The following MRM2 variants were observed in gnomAD, a reference collection of about 807,000 sequenced individuals.
MRM2 encodes the protein mitochondrial rRNA methyltransferase 2.
Under a neutral mutation model 10.9 loss-of-function variants are expected in MRM2, and 15 were observed. The ratio of observed to expected loss-of-function variants is 1.37; its 90% CI spans 0.92 to 2.11. MRM2 has a LOEUF of 2.11. Ranked by LOEUF, MRM2 falls within the 30% of genes most tolerant of loss-of-function variation. The probability of loss-of-function intolerance (pLI) is 0.00; values close to 1 mark genes in which losing one functional copy is unlikely to be tolerated. For missense variants in MRM2, 328 were observed against 321.3 expected, an observed-to-expected ratio of 1.02 and a Z score of -0.16; for synonymous variants, 139 against 128.7, an observed-to-expected ratio of 1.08 and a Z score of -0.54.
chr7:2,239,623 C>G lies in MRM2; in HGVS notation c.93G>C (p.Glu31Asp). 1.2e-6 allele frequency: 2 copies of G among 1,614,138 alleles called. No homozygotes were observed. Among genetic ancestry groups the G allele is most frequent in the Non-Finnish European group, 1.7e-6 (2 of 1,180,028 alleles). ...GSRCKNRTGA[E>D]HLWLTRHLRD... ...TGAGATGTCGGGTCAGCCACAGGTG[C>G]TCAGCGCCTGTCCGATTCTTGCAGC... The change falls in exon 2 of 3, where the codon GAG becomes GAC. Residue 31 changes from glutamate (E) to aspartate (D), a missense_variant. Glu to Asp is a conservative substitution (Grantham distance 45, BLOSUM62 2). Transcript: ENST00000242257.
chr7:2,242,186 T>G lies in MRM2; in HGVS notation c.-17A>C, dbSNP rs752933085. ...CCCCGCCATTGGTGTTCCCCGCGCCTGCAGCGCGCCGCCGGAAGTGCCTGG... is the reference window on the plus strand; with the variant it reads ...CCCCGCCATTGGTGTTCCCCGCGCCGGCAGCGCGCCGCCGGAAGTGCCTGG... On this transcript the variant is annotated 5_prime_UTR_variant, in exon 1 of 3. Transcript: ENST00000242257. 18 of 1,578,322 alleles carry G rather than the reference T, an allele frequency of 1.1e-5. No individual in the cohort carries two copies. The South Asian group carries it at 1.5e-4, about 13-fold the overall frequency.
chr7:2,239,787 C>G, intron 1 of MRM2, 80 bp from the exon 2 acceptor site: 1 of 1,304,472 alleles, frequency 7.7e-7, no homozygotes, highest in Admixed American at 1.9e-5. Flanking sequence ...CTCGGATCAA[C>G]TCATTCATTT....
chr7:2,239,556 A>G lies in MRM2; in HGVS notation c.160T>C (p.Cys54Arg), dbSNP rs1794483561. Reference sequence around the variant, plus strand: ...TCCAGGAGCTTGAAGGCGCTTCGACACCGGTAACTCTCCACCTTCGCAGCC... The same window carrying G: ...TCCAGGAGCTTGAAGGCGCTTCGACGCCGGTAACTCTCCACCTTCGCAGCC... ...VKAAKVESYR[C>R]RSAFKLLEVN... The change falls in exon 2 of 3, where the codon TGT becomes CGT. Residue 54 changes from cysteine (C) to arginine (R), a missense_variant. Physicochemically the swap from Cys to Arg is radical, Grantham distance 180 (BLOSUM62 -3). Transcript: ENST00000242257. The G allele has an allele frequency of 1.9e-6, 3 of 1,613,896 alleles. No individual in the cohort carries two copies. Among genetic ancestry groups the G allele is most frequent in the Non-Finnish European group, 2.5e-6 (3 of 1,180,006 alleles).
chr7:2,241,022 G>A (rs1342952523), intron 1 of MRM2, among the ~76,000 whole-genome samples: 1 of 150,102 alleles, frequency 6.7e-6, no homozygotes, highest in East Asian at 2.0e-4. Context: ...TGTTTTTTTA[G>A]AGACAGGGTT....
chr7:2,239,147 G>A (rs746829492), intron 2 of MRM2: 4 of 779,146 alleles, frequency 5.1e-6, no homozygotes, highest in South Asian at 2.7e-5. Flanking sequence ...GCACAAGCCT[G>A]GAAGGATGCA....
chr7:2,235,411 A>G lies in MRM2; in HGVS notation c.452T>C (p.Ile151Thr). 4 of 1,614,028 alleles carry G rather than the reference A, an allele frequency of 2.5e-6. No homozygotes were observed. Among genetic ancestry groups the G allele is most frequent in the Admixed American group, 1.7e-5 (1 of 59,996 alleles). Reference protein sequence around the residue: ...EVLPGRRADVILSDMAPNATG... With the variant: ...EVLPGRRADVTLSDMAPNATG... ...GGCATTGGGCGCCATGTCGCTCAGAATCACATCTGCTCTCCTGCCAGGAAG... is the reference window on the plus strand; with the variant it reads ...GGCATTGGGCGCCATGTCGCTCAGAGTCACATCTGCTCTCCTGCCAGGAAG... The change falls in exon 3 of 3, where the codon ATT becomes ACT. Residue 151 changes from isoleucine (I) to threonine (T), a missense_variant. Ile to Thr is a moderately conservative substitution (Grantham distance 89). Coordinates refer to ENST00000242257, the MANE Select transcript of MRM2 (RefSeq NM_013393.3).
rs201776895 is a variant in MRM2, at chr7:2,235,455, T to C, written c.408A>G (p.Ser136=). ...CAGGAAGCACCTCGAGGATTCTCTG[T>C]GAGGTTCTCGGGTCAGTCACGTCAG... The part of the protein sequence containing the change: ...CPADVTDPRT[S]QRILEVLPGR... The change falls in exon 3 of 3, where the codon TCA becomes TCG. Residue 136 remains serine (S), a synonymous_variant. Transcript: ENST00000242257. 11 of 1,613,968 alleles carry C rather than the reference T, an allele frequency of 6.8e-6. No homozygotes were observed. In the East Asian group the frequency reaches 1.6e-4, roughly 23 times the overall value.
intron 1 of MRM2, among the ~76,000 whole-genome samples, chr7:2,241,494 A>G (rs555044280): frequency 6.7e-6 from 1 of 149,750 alleles, no homozygotes; most frequent in African/African-American, 2.5e-5. Context: ...TAGAGATGGC[A>G]TCTCACTACA....
Position 2,242,171 on chromosome 7 carries a change from G to T in MRM2, c.-2C>A, listed in dbSNP as rs772721422. 1 of 1,587,724 alleles carries T rather than the reference G, an allele frequency of 6.3e-7. No individual in the cohort carries two copies. Among genetic ancestry groups the T allele is most frequent in the African/African-American group, 1.4e-5 (1 of 73,480 alleles). On this transcript the variant is annotated 5_prime_UTR_variant, in exon 1 of 3. Coordinates refer to ENST00000242257, the MANE Select transcript of MRM2 (RefSeq NM_013393.3). The stretch of plus-strand genomic sequence containing the variant: ...GCAGCGCCCAGCTCACCCCGCCATT[G>T]GTGTTCCCCGCGCCTGCAGCGCGCC...
At chr7:2,240,200 C>G (rs1469669504) in intron 1 of MRM2, 3 of 437,564 alleles carry the variant, frequency 6.9e-6, no homozygotes, top group African/African-American at 6.1e-5. Context: ...CCAGCCTGGG[C>G]GACAGAGCGA....
intron 1 of MRM2, chr7:2,241,898 C>A: frequency 2.3e-6 from 1 of 435,980 alleles, no homozygotes; most frequent in Non-Finnish European, 4.1e-6. Flanking sequence ...ATCTGGGCCC[C>A]GGCGCTGCGC....
chr7:2,239,534 A>G lies in MRM2; in HGVS notation c.182T>C (p.Leu61Pro). 1 of 1,614,040 alleles carries G rather than the reference A, an allele frequency of 6.2e-7. No individual in the cohort carries two copies. ...SYRCRSAFKLLEVNERHQILR... is the reference protein window; with the variant it reads ...SYRCRSAFKLPEVNERHQILR... ...AATCTGGTGCCTCTCGTTCACCTCC[A>G]GGAGCTTGAAGGCGCTTCGACACCG... The change falls in exon 2 of 3, where the codon CTG becomes CCG. Residue 61 changes from leucine (L) to proline (P), a missense_variant. Leu to Pro is a moderately conservative substitution (Grantham distance 98). Coordinates refer to ENST00000242257, the MANE Select transcript of MRM2 (RefSeq NM_013393.3).
chr7:2,235,901 G>C (rs1040755577), intron 2 of MRM2, among the ~76,000 whole-genome samples: 1 of 152,170 alleles, frequency 6.6e-6, no homozygotes, highest in Admixed American at 6.5e-5. Flanking sequence ...TCTGTGAAAG[G>C]GTTCTTATCT....
intron 2 of MRM2, among the ~76,000 whole-genome samples, chr7:2,237,756 A>G (rs1794443701): frequency 6.6e-6 from 1 of 152,150 alleles, no homozygotes; most frequent in South Asian, 2.1e-4. Context: ...AGCCTGGCCA[A>G]CATGGCAAAA....
intron 1 of MRM2, among the ~76,000 whole-genome samples, chr7:2,241,808 G>C (rs1198001158): frequency 2.0e-5 from 3 of 152,230 alleles, no homozygotes; most frequent in South Asian, 4.1e-4. Flanking sequence ...GGGCCCACTC[G>C]ACAGCCCAGG....
chr7:2,242,024 CCCCTGT>C (rs1584630588), intron 1 of MRM2, 132 bp downstream of exon 1: 2 of 932,804 alleles, frequency 2.1e-6, no homozygotes, highest in Non-Finnish European at 3.1e-6. Context: ...CCTGGCCTCG[CCCCTGT>C]CGCGCTCGCT....
chr7:2,241,835 G>A (rs1404306010), intron 1 of MRM2: 13 of 363,072 alleles, frequency 3.6e-5, no homozygotes, highest in Non-Finnish European at 4.9e-5. Context: ...GGGCAATGGA[G>A]CTACCCGGCC....
rs182598104 is a variant in MRM2 at position 2,235,113 on chromosome 7, A to G, written c.*9T>C. The G allele has an allele frequency of 5.0e-6, 8 of 1,604,484 alleles. No individual in the cohort carries two copies. Among genetic ancestry groups the G allele is most frequent in the African/African-American group, 1.3e-5 (1 of 74,684 alleles). Reference sequence around the variant, plus strand: ...CTAATGACCATTATGAAAATGGCACAAGAAATCCTCACTGCTTCACAGTGC... The same window carrying G: ...CTAATGACCATTATGAAAATGGCACGAGAAATCCTCACTGCTTCACAGTGC... On this transcript the variant is annotated 3_prime_UTR_variant, in exon 3 of 3. Transcript: ENST00000242257.
chr7:2,242,008 C>G (rs1304927705), intron 1 of MRM2, 154 bp downstream of exon 1: 1 of 780,722 alleles, frequency 1.3e-6, no homozygotes, highest in Non-Finnish European at 1.9e-6. Flanking sequence ...AACTGCGACC[C>G]GGAATCCTGG....
Sources: allele counts gnomAD v4.1 joint callset (sites outside exome capture counted in the v4.1 genomes callset), GRCh38; gene constraint gnomAD v4.1.1; transcripts MANE v1.5; gene names NCBI Gene and HGNC (gene_info 2026-07-23, HGNC 2026-07-21).